AFG2A: variants seen among roughly 807,000 people sequenced by gnomAD.
AFG2A encodes AAA ATPase AFG2A, also known as ATPase family gene 2 protein homolog A.
At chr4:123,060,753 A>C in the AFG2A span, among the ~76,000 whole-genome samples, 1 of 152,162 alleles carries the variant, frequency 6.6e-6, no homozygotes, top group Admixed American at 6.5e-5. Context: ...TGGCATTAGC[A>C]TTTGGTTCCT....
At chr4:123,255,852 G>T in the AFG2A span, among the ~76,000 whole-genome samples, 2 of 149,770 alleles carry the variant, frequency 1.3e-5, no homozygotes, top group African/African-American at 4.9e-5. Context: ...GACATTGTTT[G>T]TATCGGTGAC....
At chr4:123,180,513 C>G in the AFG2A span, among the ~76,000 whole-genome samples, 2 of 152,112 alleles carry the variant, frequency 1.3e-5, no homozygotes, top group Admixed American at 6.5e-5. Flanking sequence ...AATTATATCT[C>G]TGTTAGGTAA....
the AFG2A span, among the ~76,000 whole-genome samples, chr4:123,259,000 G>A: frequency 6.6e-6 from 1 of 151,608 alleles, no homozygotes; most frequent in African/African-American, 2.4e-5. Context: ...CCAAGTCGCT[G>A]GGATTACAGG....
chr4:123,289,059 GT>G, the AFG2A span, among the ~76,000 whole-genome samples: 1 of 152,094 alleles, frequency 6.6e-6, no homozygotes, highest in Non-Finnish European at 1.5e-5. Flanking sequence ...GTGGTTTTTG[GT>G]TACATGGATA....
At chr4:123,283,562 G>A in the AFG2A span, among the ~76,000 whole-genome samples, 2 of 152,190 alleles carry the variant, frequency 1.3e-5, no homozygotes, top group Non-Finnish European at 2.9e-5. Flanking sequence ...GGAGTTAACT[G>A]TCTAAATCAG....
the AFG2A span, among the ~76,000 whole-genome samples, chr4:122,944,362 C>G: frequency 0.041 from 6,180 of 151,936 alleles, 407 homozygotes; most frequent in African/African-American, 0.14. Context: ...TCTAAACTTC[C>G]CTTCTTGCTT....
At chr4:123,101,446 T>G in the AFG2A span, among the ~76,000 whole-genome samples, 1 of 151,966 alleles carries the variant, frequency 6.6e-6, no homozygotes, top group Non-Finnish European at 1.5e-5. Context: ...TTATTATATA[T>G]ATACTGATAA....
chr4:123,270,262 A>G, the AFG2A span, among the ~76,000 whole-genome samples: 1 of 152,228 alleles, frequency 6.6e-6, no homozygotes, highest in African/African-American at 2.4e-5. Flanking sequence ...CTGTCACATC[A>G]GAATTGAATC....
At chr4:123,042,617 G>T in the AFG2A span, among the ~76,000 whole-genome samples, 1 of 152,078 alleles carries the variant, frequency 6.6e-6, no homozygotes, top group African/African-American at 2.4e-5. Flanking sequence ...TGCCATTTCT[G>T]TTCTTTTCCC....
chr4:123,139,775 A>T, the AFG2A span, among the ~76,000 whole-genome samples: 1 of 152,090 alleles, frequency 6.6e-6, no homozygotes, highest in Admixed American at 6.5e-5. Flanking sequence ...GGCCATAAAT[A>T]GGAGCAATTT....
the AFG2A span, among the ~76,000 whole-genome samples, chr4:123,012,335 G>GC: frequency 1.4e-5 from 2 of 144,634 alleles, no homozygotes; most frequent in African/African-American, 5.2e-5. Context: ...TGGGGTGCTT[G>GC]CCCCCCAGGA....
chr4:123,002,437 T>C, the AFG2A span, among the ~76,000 whole-genome samples: 5 of 152,234 alleles, frequency 3.3e-5, no homozygotes, highest in African/African-American at 1.2e-4. Flanking sequence ...TTGCAGCGGC[T>C]GGTACCGGTT....
the AFG2A span, among the ~76,000 whole-genome samples, chr4:122,994,275 A>G: frequency 6.6e-6 from 1 of 152,158 alleles, no homozygotes. Flanking sequence ...GGAAAGATAT[A>G]AAGAAGTCCT....
the AFG2A span, among the ~76,000 whole-genome samples, chr4:123,083,488 A>G: frequency 6.6e-6 from 1 of 151,988 alleles, no homozygotes; most frequent in Non-Finnish European, 1.5e-5. Flanking sequence ...ATTGTAATGT[A>G]ATGTTTTCAA....
the AFG2A span, among the ~76,000 whole-genome samples, chr4:122,975,236 C>G: frequency 3.3e-5 from 5 of 152,148 alleles, no homozygotes; most frequent in East Asian, 9.6e-4. Flanking sequence ...ATGCCATATT[C>G]TCTAAAGGAG....
chr4:123,139,569 A>AAT, the AFG2A span, among the ~76,000 whole-genome samples: 1 of 152,102 alleles, frequency 6.6e-6, no homozygotes, highest in Non-Finnish European at 1.5e-5. Flanking sequence ...AGTAATAAAG[A>AAT]ATATACTTCA....
At chr4:123,221,673 C>T in the AFG2A span, among the ~76,000 whole-genome samples, 2 of 152,014 alleles carry the variant, frequency 1.3e-5, no homozygotes, top group Non-Finnish European at 2.9e-5. Context: ...ACTTGTAATC[C>T]TAGCACTTTG....
the AFG2A span, among the ~76,000 whole-genome samples, chr4:123,193,960 T>C: frequency 2.0e-5 from 3 of 152,158 alleles, no homozygotes; most frequent in African/African-American, 7.2e-5. Flanking sequence ...TAATGACATA[T>C]TAGAACTAAC....
chr4:123,184,532 CTTTTTTTT>C, the AFG2A span, among the ~76,000 whole-genome samples: 11 of 89,276 alleles, frequency 1.2e-4, no homozygotes, highest in African/African-American at 1.8e-4. Context: ...ATGATCATTT[CTTTTTTTT>C]TTTTTTTTTT....
Sources: allele counts gnomAD v4.1 joint callset (sites outside exome capture counted in the v4.1 genomes callset), GRCh38; gene constraint gnomAD v4.1.1; transcripts MANE v1.5; gene names NCBI Gene and HGNC (gene_info 2026-07-23, HGNC 2026-07-21).